NECAP1: variants seen among roughly 807,000 people sequenced by gnomAD.
The protein encoded by NECAP1 is NECAP endocytosis associated 1.
In NECAP1, 13 loss-of-function variants were observed where a neutral mutation model predicts 33.4. The ratio of observed to expected loss-of-function variants is 0.39; its 90% CI spans 0.25 to 0.62. NECAP1 has a LOEUF of 0.62. Among genes scored for constraint, NECAP1 ranks in the 20% least tolerant of loss-of-function variants. The pLI is 0.52. For synonymous variants in NECAP1, 109 were observed against 125.2 expected, an observed-to-expected ratio of 0.87 and a Z score of 0.86; for missense variants, 272 against 347.4, an observed-to-expected ratio of 0.78 and a Z score of 1.73.
intron 6 of NECAP1, 52 bp from the exon 7 acceptor site, chr12:8,095,549 T>G: frequency 6.7e-7 from 1 of 1,494,390 alleles, no homozygotes; most frequent in Non-Finnish European, 9.2e-7. Flanking sequence ...CGCCCGGCCC[T>G]TCCAAGATTT....
chr12:8,089,530 T>C (rs746733642), intron 1 of NECAP1: 3 of 161,850 alleles, frequency 1.9e-5, no homozygotes, highest in Non-Finnish European at 4.1e-5. Context: ...AACCAGCTAA[T>C]TTTTGTATTT....
chr12:8,090,466 T>G, intron 3 of NECAP1, 167 bp downstream of exon 3: 1 of 605,252 alleles, frequency 1.7e-6, no homozygotes, highest in South Asian at 2.1e-5. Flanking sequence ...ACATGTTATT[T>G]GTAATAGATA....
intron 6 of NECAP1, among the ~76,000 whole-genome samples, chr12:8,094,031 C>A (rs1947573273): frequency 6.6e-6 from 1 of 152,134 alleles, no homozygotes; most frequent in Non-Finnish European, 1.5e-5. Context: ...AAGAATTTTT[C>A]TGAGATTAGA....
At position 8,092,749 on chromosome 12, in the gene NECAP1, T is replaced by G; in HGVS notation, c.457T>G (p.Phe153Val). 6.2e-7 allele frequency: 1 copy of G among 1,613,992 alleles called. No homozygotes were observed. The highest frequency in any genetic ancestry group is 8.5e-7 in the Non-Finnish European group (1 of 1,179,874). Residue 153 changes from phenylalanine (F) to valine (V), a missense_variant, in exon 5 of 8, where the codon TTC (phenylalanine) becomes GTC (valine). Physicochemically the swap from Phe to Val is conservative, Grantham distance 50. Transcript: ENST00000339754. ...MDARPKLDLG[F>V]KEGQTIKLCI... ...TGCTCGTCCTAAGTTGGATCTGGGC[T>G]TCAAGGAAGGACAAACCATCAAGTT... is the stretch of plus-strand genomic sequence containing the variant.
intron 6 of NECAP1, among the ~76,000 whole-genome samples, chr12:8,094,407 C>T (rs1487280889): frequency 6.6e-6 from 1 of 152,076 alleles, no homozygotes; most frequent in Non-Finnish European, 1.5e-5. Context: ...CAGCTTACAC[C>T]ATTTTACATG....
At chr12:8,089,218 T>G (rs1947519084) in intron 1 of NECAP1, 1 of 152,162 alleles carries the variant, frequency 6.6e-6, no homozygotes, top group South Asian at 2.1e-4. Flanking sequence ...TAAATATTGA[T>G]TGAATTCAGT....
At chr12:8,095,862 G>A in intron 7 of NECAP1, 159 bp downstream of exon 7, 1 of 1,077,996 alleles carries the variant, frequency 9.3e-7, no homozygotes, top group Non-Finnish European at 1.3e-6. Context: ...TGGGAATGGG[G>A]GGACAAAAAA....
chr12:8,090,512 C>A, intron 3 of NECAP1: 2 of 524,516 alleles, frequency 3.8e-6, no homozygotes, highest in Non-Finnish European at 6.8e-6. Context: ...CATATGTAGA[C>A]TTAAATAAAT....
At chr12:8,092,167 C>T in intron 4 of NECAP1, 2 of 370,950 alleles carry the variant, frequency 5.4e-6, no homozygotes, top group Non-Finnish European at 1.0e-5. Flanking sequence ...GAGTCGTGTG[C>T]CACTCTTGTT....
chr12:8,092,866 T>G lies in NECAP1; in HGVS notation c.493-6T>G. On this transcript the variant is annotated splice_region_variant and splice_polypyrimidine_tract_variant and intron_variant, in intron 5 of 7. Transcript: ENST00000339754. The stretch of plus-strand genomic sequence containing the variant: ...TTTCTCTTGCTCTTCTTTTTTTCTT[T>G]TGTAGAACATTACAAACAAGAAAGG... The G allele has an allele frequency of 6.3e-7, 1 of 1,576,102 alleles. No homozygotes were observed. Among genetic ancestry groups the G allele is most frequent in the Non-Finnish European group, 8.6e-7 (1 of 1,161,160 alleles).
intron 1 of NECAP1, among the ~76,000 whole-genome samples, chr12:8,084,502 T>C (rs996311056): frequency 6.6e-6 from 1 of 152,128 alleles, no homozygotes; most frequent in Non-Finnish European, 1.5e-5. Context: ...TACATAGGTA[T>C]GCATGTGCCA....
chr12:8,089,786 ATC>A, intron 1 of NECAP1, 148 bp from the exon 2 acceptor site: 1 of 663,944 alleles, frequency 1.5e-6, no homozygotes, highest in South Asian at 1.8e-5. Flanking sequence ...AACATGAGGC[ATC>A]TAAATAGATC....
At chr12:8,094,256 T>C (rs929716595) in intron 6 of NECAP1, among the ~76,000 whole-genome samples, 3 of 152,214 alleles carry the variant, frequency 2.0e-5, no homozygotes, top group Non-Finnish European at 4.4e-5. Context: ...TAATCGTAGA[T>C]TAACATGCAG....
rs887183046 is a variant in NECAP1, at chr12:8,096,046, G to C, written c.784G>C (p.Val262Leu). 6.2e-7 allele frequency: 1 copy of C among 1,614,142 alleles called. No homozygotes were observed. Among genetic ancestry groups the C allele is most frequent in the Non-Finnish European group, 8.5e-7 (1 of 1,180,008 alleles). Residue 262 changes from valine to leucine, a missense_variant, in exon 8 of 8, where the codon GTT (valine) becomes CTT (leucine). Coordinates refer to ENST00000339754, the MANE Select transcript of NECAP1 (RefSeq NM_015509.4). ...CTCTGTTCTCCTGTCTTGCAGCTCTGTTCCAAACCAGGCACCACAGCCATC... is the reference window on the plus strand; with the variant it reads ...CTCTGTTCTCCTGTCTTGCAGCTCTCTTCCAAACCAGGCACCACAGCCATC... ...WGDFSTASSS[V>L]PNQAPQPSNW...
chr12:8,085,022 A>G lies in NECAP1; in HGVS notation c.95+2639A>G, dbSNP rs1591594345. 2.0e-5 allele frequency among the ~76,000 whole-genome samples: 3 copies of G among 151,882 alleles called. 1 individual carries two copies. The highest frequency in any genetic ancestry group is 1.5e-5 in the Non-Finnish European group (1 of 67,920). On this transcript the variant is annotated intron_variant, in intron 1 of 7. Coordinates refer to ENST00000339754, the MANE Select transcript of NECAP1 (RefSeq NM_015509.4). ...AAGTGGGATTATATTCTTTTTCTTG[A>G]AGTTTTTTTTTTTTTGAGATGGAGT...
At chr12:8,094,001 G>T (rs762333671) in intron 6 of NECAP1, among the ~76,000 whole-genome samples, 2 of 152,298 alleles carry the variant, frequency 1.3e-5, no homozygotes, top group Admixed American at 1.3e-4. Context: ...TTTGAAAAAT[G>T]AGAGCATTGG....
intron 3 of NECAP1, 148 bp from the exon 4 acceptor site, chr12:8,091,621 G>A: frequency 3.0e-6 from 2 of 661,300 alleles, no homozygotes; most frequent in Admixed American, 5.0e-5. Context: ...GGGAGCGGCT[G>A]TAAATACAAT....
chr12:8,085,307 CG>C (rs1338050306), intron 1 of NECAP1, among the ~76,000 whole-genome samples: 1 of 136,578 alleles, frequency 7.3e-6, no homozygotes, highest in Non-Finnish European at 1.7e-5. Context: ...CGTGAGCCAC[CG>C]CACCCGGCCT....
intron 1 of NECAP1, 50 bp from the exon 2 acceptor site, chr12:8,089,886 G>A (rs755282196): frequency 1.3e-5 from 18 of 1,351,786 alleles, no homozygotes; most frequent in Middle Eastern, 3.7e-4. Flanking sequence ...GTGGGTGGGC[G>A]TTAGTAAATT....
Sources: gnomAD v4.1 joint callset for allele counts (sites outside exome capture counted in the v4.1 genomes callset) on GRCh38, gnomAD v4.1.1 for gene constraint, MANE v1.5 for transcripts, NCBI Gene and HGNC (gene_info 2026-07-23, HGNC 2026-07-21) for gene names.